Variants in CAPRIN1 observed in about 807,000 individuals in gnomAD.
The protein encoded by CAPRIN1 is caprin-1.
CAPRIN1 carries 29 observed loss-of-function variants against 100.9 expected under a neutral mutation model. That is an observed-to-expected ratio of 0.29 (90% CI 0.21 to 0.39). The LOEUF is 0.39. CAPRIN1 is among the 10% of genes least tolerant of loss of function. CAPRIN1 has a pLI of 1.00. For missense variants in CAPRIN1, 795 were observed against 876.7 expected (o/e 0.91, Z 1.18); for synonymous variants, 338 against 307.5 (o/e 1.10, Z -1.04).
At chr11:34,083,901 C>G (rs1289275418) in intron 9 of CAPRIN1, among the ~76,000 whole-genome samples, 1 of 152,064 alleles carries the variant, frequency 6.6e-6, no homozygotes, top group African/African-American at 2.4e-5. Flanking sequence ...AACCCAGTCT[C>G]TACTTCAAAA....
chr11:34,060,974 G>A (rs1850565480), intron 2 of CAPRIN1, among the ~76,000 whole-genome samples: 1 of 152,154 alleles, frequency 6.6e-6, no homozygotes, highest in Non-Finnish European at 1.5e-5. Flanking sequence ...ATAGTTCAAA[G>A]TAGGTGATGC....
intron 2 of CAPRIN1, among the ~76,000 whole-genome samples, chr11:34,055,417 G>C (rs746869461): frequency 6.6e-6 from 1 of 152,174 alleles, no homozygotes; most frequent in African/African-American, 2.4e-5. Context: ...CCGCCTCCTG[G>C]GTTCAAGCGA....
chr11:34,068,932 G>C (rs1011661639), intron 2 of CAPRIN1, among the ~76,000 whole-genome samples: 1 of 152,024 alleles, frequency 6.6e-6, no homozygotes, highest in African/African-American at 2.4e-5. Flanking sequence ...CAATTTTCTT[G>C]AAAAATGTAC....
At chr11:34,096,140 C>G (rs1851363268) in intron 15 of CAPRIN1, 1 of 172,462 alleles carries the variant, frequency 5.8e-6, no homozygotes, top group South Asian at 1.7e-4. Flanking sequence ...AAGAGTAAAT[C>G]TTTTGAGTTA....
intron 2 of CAPRIN1, among the ~76,000 whole-genome samples, chr11:34,065,063 C>T (rs1161300584): frequency 6.8e-6 from 1 of 146,916 alleles, no homozygotes; most frequent in Admixed American, 7.1e-5. Context: ...GGGTTCTCAC[C>T]TTTCTCCTGC....
At chr11:34,080,296 T>A (rs956449371) in intron 7 of CAPRIN1, among the ~76,000 whole-genome samples, 2 of 152,228 alleles carry the variant, frequency 1.3e-5, no homozygotes, top group Non-Finnish European at 2.9e-5. Flanking sequence ...AGTAGTCATT[T>A]GTCTTACTAG....
chr11:34,052,888 C>A (rs1850358040), intron 2 of CAPRIN1: 3 of 1,361,842 alleles, frequency 2.2e-6, no homozygotes, highest in Admixed American at 3.3e-5. Flanking sequence ...TATTACTCTT[C>A]CGCTGTGGGT....
chr11:34,076,718 C>A, intron 6 of CAPRIN1, 76 bp downstream of exon 6: 10 of 968,184 alleles, frequency 1.0e-5, no homozygotes, highest in African/African-American at 1.7e-5. Context: ...TTATAGTTCA[C>A]TTGGAAGAAA....
At chr11:34,076,856 TC>T in intron 6 of CAPRIN1, among the ~76,000 whole-genome samples, 1 of 151,920 alleles carries the variant, frequency 6.6e-6, no homozygotes, top group Middle Eastern at 3.4e-3. Flanking sequence ...CACCTCATCC[TC>T]CCAAGTAGCT....
Position 34,070,740 on chromosome 11 carries a change from T to G in CAPRIN1, c.217-986T>G, listed in dbSNP as rs530605658. ...TTTTGGATGCAAAATTTCACTCTTG[T>G]TGCCCAGGCTGGAGTGCAATGGTGC... On this transcript the variant is annotated intron_variant, in intron 2 of 18. Coordinates refer to ENST00000341394, the MANE Select transcript of CAPRIN1 (RefSeq NM_005898.5). Among the ~76,000 whole-genome samples the G allele has an allele frequency of 4.6e-5, 7 of 151,726 alleles. No individual in the cohort carries two copies. In the South Asian group the frequency reaches 1.5e-3, roughly 32 times the overall value.
chr11:34,079,905 G>GTTTT (rs377455073), intron 7 of CAPRIN1, 140 bp downstream of exon 7: 4 of 316,652 alleles, frequency 1.3e-5, no homozygotes, highest in African/African-American at 1.2e-4. Flanking sequence ...GCATGACAAA[G>GTTTT]TTTTTTTTTT....
intron 2 of CAPRIN1, among the ~76,000 whole-genome samples, chr11:34,066,006 C>CA (rs1695334889): frequency 6.6e-6 from 1 of 152,104 alleles, no homozygotes; most frequent in African/African-American, 2.4e-5. Context: ...CTTTTGATCT[C>CA]ACTCTTGGTC....
At position 34,092,013 on chromosome 11, in the gene CAPRIN1, C is replaced by T; in HGVS notation, c.1662C>T (p.His554=). ...ACCAGAGCTTTTCTAGTCAGCCTCA[C>T]CAAGTAGAACAAACAGAGCTTCAGC... ...SYNQSFSSQP[H]QVEQTELQQE... The change falls in exon 15 of 19, where the codon CAC becomes CAT. Residue 554 remains histidine, a synonymous_variant. Coordinates refer to ENST00000341394, the MANE Select transcript of CAPRIN1 (RefSeq NM_005898.5). 6.2e-7 allele frequency: 1 copy of T among 1,614,132 alleles called. No homozygotes were observed.
intron 13 of CAPRIN1, 111 bp from the exon 14 acceptor site, chr11:34,090,418 T>G: frequency 7.4e-7 from 1 of 1,345,236 alleles, no homozygotes; most frequent in Non-Finnish European, 1.0e-6. Context: ...TATTTGAGTT[T>G]GTTAATACAT....
rs1241868286 is a variant in CAPRIN1, at chr11:34,097,579, GA to G, written c.2002-118del. On this transcript the variant is annotated intron_variant, in intron 17 of 18. Transcript: ENST00000341394. ...GAACAAGGTGTAGCTGTGATAAACT[GA>G]TACTGAAGTGTCTAAAAGATTAAGG... is the stretch of plus-strand genomic sequence containing the variant. 9.4e-6 allele frequency: 10 copies of G among 1,065,804 alleles called. No individual in the cohort carries two copies. In the African/African-American group the frequency reaches 1.4e-4, roughly 15 times the overall value. The allele number at this position is 1,065,804 out of a possible 1,614,324, so 66.0% of individuals were successfully genotyped here. A position where few individuals can be genotyped will look rare whatever the true frequency, so the allele number is the denominator to read the frequency against.
chr11:34,090,864 G>A (rs188071585), intron 14 of CAPRIN1, among the ~76,000 whole-genome samples, 186 bp downstream of exon 14: 3 of 152,262 alleles, frequency 2.0e-5, no homozygotes, highest in East Asian at 3.9e-4. Flanking sequence ...ATATTCTAGA[G>A]ATAAATTTTA....
intron 2 of CAPRIN1, among the ~76,000 whole-genome samples, chr11:34,056,310 A>G (rs1050648615): frequency 2.6e-5 from 4 of 152,108 alleles, no homozygotes; most frequent in African/African-American, 7.2e-5. Flanking sequence ...ATTAAAACAG[A>G]GAATTGAAAT....
At chr11:34,057,981 A>G (rs548522454) in intron 2 of CAPRIN1, among the ~76,000 whole-genome samples, 2 of 151,882 alleles carry the variant, frequency 1.3e-5, no homozygotes, top group Non-Finnish European at 2.9e-5. Flanking sequence ...TCAGCCTCCA[A>G]AGTGTTGGGA....
intron 4 of CAPRIN1, among the ~76,000 whole-genome samples, chr11:34,074,014 C>T (rs1249097571): frequency 6.6e-6 from 1 of 152,116 alleles, no homozygotes; most frequent in Non-Finnish European, 1.5e-5. Flanking sequence ...CTCCTGCAAG[C>T]TCTTTTTATA....
Sources: allele counts gnomAD v4.1 joint callset (sites outside exome capture counted in the v4.1 genomes callset), GRCh38; gene constraint gnomAD v4.1.1; transcripts MANE v1.5; gene names NCBI Gene and HGNC (gene_info 2026-07-23, HGNC 2026-07-21).